The following SLC44A5 variants were observed in gnomAD, a reference collection of about 807,000 sequenced individuals.
SLC44A5 encodes the protein choline transporter-like protein 5.
A neutral mutation model predicts 101.8 loss-of-function variants in SLC44A5; 57 were observed. That is an observed-to-expected ratio of 0.56 (90% CI 0.45 to 0.70). The LOEUF (loss-of-function observed/expected upper bound fraction) is 0.70, where lower values mean the gene tolerates loss of function less well. Among genes scored for constraint, SLC44A5 ranks in the 30% least tolerant of loss-of-function variants. SLC44A5 has a pLI of 0.00. For missense variants in SLC44A5, 737 were observed against 853.1 expected, an observed-to-expected ratio of 0.86 and a Z score of 1.70; for synonymous variants, 281 against 290.9, an observed-to-expected ratio of 0.97 and a Z score of 0.35.
chr1:75,494,640 A>C (rs1557845321), intron 2 of SLC44A5, among the ~76,000 whole-genome samples: 2 of 152,124 alleles, frequency 1.3e-5, no homozygotes. Flanking sequence ...GTTACCTGAG[A>C]AGCTGGTCTC....
At chr1:75,682,917 C>G in the SLC44A5 span, among the ~76,000 whole-genome samples, 1 of 152,000 alleles carries the variant, frequency 6.6e-6, no homozygotes, top group African/African-American at 2.4e-5. Flanking sequence ...AAGAAAAAAA[C>G]AAACAACCCC....
At chr1:75,440,246 A>G (rs1665120157) in intron 2 of SLC44A5, among the ~76,000 whole-genome samples, 1 of 152,160 alleles carries the variant, frequency 6.6e-6, no homozygotes, top group Non-Finnish European at 1.5e-5. Context: ...GAGAATTTGC[A>G]ATTTTTAAAA....
At chr1:75,368,410 A>C (rs1296207043) in intron 3 of SLC44A5, among the ~76,000 whole-genome samples, 1 of 152,240 alleles carries the variant, frequency 6.6e-6, no homozygotes, top group Non-Finnish European at 1.5e-5. Flanking sequence ...GCATCCCACA[A>C]ATACTGTATT....
intron 1 of SLC44A5, among the ~76,000 whole-genome samples, chr1:75,541,758 C>G (rs535205582): frequency 1.1e-4 from 17 of 152,248 alleles, no homozygotes; most frequent in South Asian, 6.2e-4. Flanking sequence ...AAATCTATTT[C>G]AGTCCTTATA....
chr1:75,326,356 T>C (rs1289181885), intron 4 of SLC44A5, among the ~76,000 whole-genome samples: 1 of 151,778 alleles, frequency 6.6e-6, no homozygotes, highest in Non-Finnish European at 1.5e-5. Context: ...AGCTTTCTCC[T>C]ACATTAAATC....
At chr1:75,222,492 A>AATC in intron 13 of SLC44A5, 32 bp from the exon 14 acceptor site, 2 of 1,310,108 alleles carry the variant, frequency 1.5e-6, no homozygotes, top group Non-Finnish European at 2.2e-6. Context: ...TCAGTCTGTA[A>AATC]TACAAGTAGA....
At chr1:75,606,871 G>C (rs1305856144) in intron 1 of SLC44A5, among the ~76,000 whole-genome samples, 1 of 151,846 alleles carries the variant, frequency 6.6e-6, no homozygotes, top group Non-Finnish European at 1.5e-5. Flanking sequence ...GTCACCAGTT[G>C]CTCTTTCTCA....
At chr1:75,288,254 G>A (rs927101478) in intron 5 of SLC44A5, among the ~76,000 whole-genome samples, 1 of 151,908 alleles carries the variant, frequency 6.6e-6, no homozygotes, top group East Asian at 1.9e-4. Context: ...GTATTTTTCA[G>A]TCCTCACTGT....
In SLC44A5 at chr1:75,211,547, G is replaced by T; in HGVS notation, c.1968C>A (p.Val656=). 1.9e-6 allele frequency: 3 copies of T among 1,610,182 alleles called. No individual in the cohort carries two copies. The highest frequency in any genetic ancestry group is 2.2e-5 in the South Asian group (2 of 90,948). Residue 656 remains valine, a synonymous_variant, in exon 23 of 24, where the codon GTC becomes GTA. Transcript: ENST00000370859. ...GTGCAATCAGGTAAGACCCAAAAAT[G>T]ACTGTCTGTAAATGGATGAAGAAGA... ...LNYYWVPLLT[V]IFGSYLIAHG... is the part of the protein sequence containing the mutation.
intron 1 of SLC44A5, among the ~76,000 whole-genome samples, chr1:75,580,618 C>T (rs1004109171): frequency 1.3e-5 from 2 of 152,102 alleles, no homozygotes; most frequent in Non-Finnish European, 2.9e-5. Context: ...GAGGGTGGAT[C>T]ACTTGAGACC....
At chr1:75,269,580 G>T (rs753792487) in intron 6 of SLC44A5, among the ~76,000 whole-genome samples, 10 of 151,950 alleles carry the variant, frequency 6.6e-5, no homozygotes, top group Non-Finnish European at 1.5e-4. Flanking sequence ...TTTGGTATAA[G>T]ATATGAGATA....
chr1:75,344,138 C>G (rs777251160), intron 3 of SLC44A5, among the ~76,000 whole-genome samples: 13 of 152,138 alleles, frequency 8.5e-5, no homozygotes, highest in Non-Finnish European at 1.6e-4. Context: ...TACACTTCCC[C>G]TCACAAACTT....
rs146413453 is a variant in SLC44A5 at position 75,441,788 on chromosome 1, T to G, written c.14-45167A>C. ...TTAGCCAGAAGAAAGTTAGATTATA[T>G]TATTAGATATATTACAAGATGTATA... is the stretch of plus-strand genomic sequence containing the variant. On this transcript the variant is annotated intron_variant, in intron 2 of 23. Coordinates refer to ENST00000370859, the MANE Select transcript of SLC44A5 (RefSeq NM_001130058.2). 5.2e-3 allele frequency among the ~76,000 whole-genome samples: 789 copies of G among 152,200 alleles called. 6 individuals carry two copies. Among genetic ancestry groups the G allele is most frequent in the African/African-American group, 0.018 (744 of 41,538 alleles).
chr1:75,477,228 G>A (rs1165875027), intron 2 of SLC44A5, among the ~76,000 whole-genome samples: 1 of 152,162 alleles, frequency 6.6e-6, no homozygotes, highest in Non-Finnish European at 1.5e-5. Context: ...AAACAGAAAG[G>A]ACATCCACGC....
chr1:75,376,654 G>A (rs1190837790), intron 3 of SLC44A5, among the ~76,000 whole-genome samples: 1 of 151,006 alleles, frequency 6.6e-6, no homozygotes, highest in African/African-American at 2.4e-5. Context: ...AAACAGAAAG[G>A]ACATCCACAC....
At chr1:75,623,978 A>G in the SLC44A5 span, among the ~76,000 whole-genome samples, 3 of 152,270 alleles carry the variant, frequency 2.0e-5, no homozygotes, top group Non-Finnish European at 4.4e-5. Context: ...ATCATTCACT[A>G]AAAGAAACAG....
chr1:75,363,621 T>C (rs1000848764), intron 3 of SLC44A5, among the ~76,000 whole-genome samples: 1 of 152,208 alleles, frequency 6.6e-6, no homozygotes, highest in Non-Finnish European at 1.5e-5. Context: ...TTGTGATTTG[T>C]ATTTCTCAAC....
intron 3 of SLC44A5, among the ~76,000 whole-genome samples, chr1:75,394,109 G>A (rs1422319645): frequency 6.6e-6 from 1 of 152,116 alleles, no homozygotes; most frequent in East Asian, 1.9e-4. Flanking sequence ...TTAAGTGTGA[G>A]CGACTGGCCA....
chr1:75,396,102 A>G (rs556409588), intron 3 of SLC44A5, among the ~76,000 whole-genome samples: 1 of 152,270 alleles, frequency 6.6e-6, no homozygotes, highest in Non-Finnish European at 1.5e-5. Flanking sequence ...GGTCCTACTC[A>G]TGCTGCTGGT....
Sources: gnomAD v4.1 joint callset for allele counts (sites outside exome capture counted in the v4.1 genomes callset) on GRCh38, gnomAD v4.1.1 for gene constraint, MANE v1.5 for transcripts, NCBI Gene and HGNC (gene_info 2026-07-23, HGNC 2026-07-21) for gene names.